The following GJC1 variants were observed in gnomAD, a reference collection of about 807,000 sequenced individuals.
The protein encoded by GJC1 is gap junction gamma-1 protein.
Under a neutral mutation model 29.3 loss-of-function variants are expected in GJC1, and 5 were observed. The ratio of observed to expected loss-of-function variants is 0.17; its 90% CI spans 0.09 to 0.36. GJC1 has a LOEUF of 0.36. GJC1 is among the 10% of genes least tolerant of loss of function. The pLI is 1.00. For synonymous variants in GJC1, 177 were observed against 183.3 expected (o/e 0.97, Z 0.28); for missense variants, 310 against 496.2 (o/e 0.62, Z 3.56).
At chr17:44,810,735 C>T (rs570831384) in intron 1 of GJC1, among the ~76,000 whole-genome samples, 1 of 152,120 alleles carries the variant, frequency 6.6e-6, no homozygotes, top group African/African-American at 2.4e-5. Flanking sequence ...GAGCGGGGAT[C>T]TGGATACCTG....
Position 44,800,508 on chromosome 17 carries a change from G to A in GJC1, c.*4119C>T, listed in dbSNP as rs1476738967. On this transcript the variant is annotated 3_prime_UTR_variant, in exon 3 of 3. Transcript: ENST00000592524. ...CTAACATACTTGCCTTTTACAGAAA[G>A]CTGGCTAGCCAAAAATGTATCATCA... 1 of 152,178 alleles carries A rather than the reference G, an allele frequency of 6.6e-6. No homozygotes were observed. Among genetic ancestry groups the A allele is most frequent in the African/African-American group, 2.4e-5 (1 of 41,442 alleles). The allele number at this position is 152,178 out of a possible 1,614,324, so 9.4% of individuals were successfully genotyped here.
At chr17:44,827,623 T>C (rs891323248) in intron 1 of GJC1, among the ~76,000 whole-genome samples, 3 of 151,098 alleles carry the variant, frequency 2.0e-5, no homozygotes, top group South Asian at 2.1e-4. Context: ...CTGGGCATCA[T>C]AGCAATGTCT....
downstream of GJC1, chr17:44,794,220 C>T (rs1470833302): frequency 1.3e-5 from 2 of 152,288 alleles, no homozygotes; most frequent in African/African-American, 2.4e-5. Flanking sequence ...GCCCCCTCCC[C>T]AGAGCAGACC....
intron 1 of GJC1, among the ~76,000 whole-genome samples, chr17:44,814,469 G>A (rs1444166776): frequency 1.3e-5 from 2 of 151,930 alleles, no homozygotes; most frequent in Non-Finnish European, 2.9e-5. Flanking sequence ...TTTCTTGAAT[G>A]GCTTCTTAAA....
At chr17:44,819,345 C>T (rs111641596) in intron 1 of GJC1, among the ~76,000 whole-genome samples, 10,817 of 152,162 alleles carry the variant, frequency 0.071, 438 homozygotes, top group African/African-American at 0.084. Flanking sequence ...GGTTTATCCA[C>T]GTTATACCAT....
chr17:44,825,023 A>C (rs2050157387), intron 1 of GJC1, among the ~76,000 whole-genome samples: 1 of 151,218 alleles, frequency 6.6e-6, no homozygotes, highest in South Asian at 2.1e-4. Context: ...AGCCTGGGCA[A>C]CAAAACAAGA....
At chr17:44,827,863 C>CA (rs11307466) in intron 1 of GJC1, among the ~76,000 whole-genome samples, 5 of 148,930 alleles carry the variant, frequency 3.4e-5, no homozygotes, top group African/African-American at 7.4e-5. Flanking sequence ...GACTCCATCT[C>CA]AAAAAAAAAA....
chr17:44,813,677 G>C (rs2050010474), intron 1 of GJC1, among the ~76,000 whole-genome samples: 1 of 151,694 alleles, frequency 6.6e-6, no homozygotes, highest in African/African-American at 2.4e-5. Context: ...ATTTTTAGGA[G>C]AGACAGCGTT....
At chr17:44,798,039 C>T (rs2049795136), downstream of GJC1, among the ~76,000 whole-genome samples, 1 of 152,158 alleles carries the variant, frequency 6.6e-6, no homozygotes, top group African/African-American at 2.4e-5. Flanking sequence ...AGAAGGCACT[C>T]CAGGAAAGGC....
intron 1 of GJC1, among the ~76,000 whole-genome samples, chr17:44,811,276 T>C (rs1011042023): frequency 6.6e-6 from 1 of 151,956 alleles, no homozygotes; most frequent in Admixed American, 6.6e-5. Flanking sequence ...AGACAGGGTT[T>C]CACCATGTTG....
chr17:44,821,520 G>A (rs111248170), intron 1 of GJC1, among the ~76,000 whole-genome samples: 264 of 151,550 alleles, frequency 1.7e-3, no homozygotes, highest in African/African-American at 6.1e-3. Flanking sequence ...CAATATTGGC[G>A]AAATCCTGTC....
downstream of GJC1, chr17:44,795,013 C>T (rs559105326): frequency 3.9e-5 from 6 of 152,286 alleles, no homozygotes; most frequent in Middle Eastern, 3.4e-3. Flanking sequence ...AGTCAATTGA[C>T]AAAGAATGCT....
intron 1 of GJC1, among the ~76,000 whole-genome samples, chr17:44,812,097 G>A (rs1414182076): frequency 6.6e-6 from 1 of 151,928 alleles, no homozygotes; most frequent in Non-Finnish European, 1.5e-5. Context: ...GATGGATCAC[G>A]AGGTCAGGAG....
At chr17:44,807,136 A>G (rs2049921931) in intron 2 of GJC1, among the ~76,000 whole-genome samples, 1 of 152,202 alleles carries the variant, frequency 6.6e-6, no homozygotes, top group Non-Finnish European at 1.5e-5. Context: ...GCTAAACTGA[A>G]CTGTGAGGAC....
In GJC1 at chr17:44,798,598, C is replaced by T. The variant is rs1228203714; in HGVS notation, c.*6029G>A. On this transcript the variant is annotated 3_prime_UTR_variant, in exon 3 of 3. Coordinates refer to ENST00000592524, the MANE Select transcript of GJC1 (RefSeq NM_005497.4). The stretch of plus-strand genomic sequence containing the variant: ...ATCTTTGGCACTAGAACAGGTGATT[C>T]CTTAGCTGTTCATGCAATATCCAAA... 6.6e-6 allele frequency: 1 copy of T among 152,156 alleles called. No homozygotes were observed. Among genetic ancestry groups the T allele is most frequent in the Non-Finnish European group, 1.5e-5 (1 of 68,042 alleles). The allele number at this position is 152,156 out of a possible 1,614,324, so 9.4% of individuals were successfully genotyped here. A position where few individuals can be genotyped will look rare whatever the true frequency, so the allele number is the denominator to read the frequency against.
chr17:44,826,169 G>A (rs2050173751), intron 1 of GJC1, among the ~76,000 whole-genome samples: 1 of 152,096 alleles, frequency 6.6e-6, no homozygotes, highest in African/African-American at 2.4e-5. Context: ...TGATCCACCC[G>A]CCTTGGCCTC....
chr17:44,800,212 G>A lies in GJC1; in HGVS notation c.*4415C>T, dbSNP rs1003089784. The A allele has an allele frequency of 1.3e-5, 2 of 152,078 alleles. No homozygotes were observed. Among genetic ancestry groups the A allele is most frequent in the South Asian group, 2.1e-4 (1 of 4,824 alleles). The allele number at this position is 152,078 out of a possible 1,614,324, so 9.4% of individuals were successfully genotyped here. A position where few individuals can be genotyped will look rare whatever the true frequency, so the allele number is the denominator to read the frequency against. ...TGCAACCTCTACCTCCTGGGATCAA[G>A]TGATTCTCATCTCAGCCTCCTGAGT... On this transcript the variant is annotated 3_prime_UTR_variant, in exon 3 of 3. Transcript: ENST00000592524.
upstream of GJC1, among the ~76,000 whole-genome samples, chr17:44,830,404 C>G (rs1597768913): frequency 6.6e-6 from 1 of 151,844 alleles, no homozygotes. The surrounding 1 kb of genome is among the most constrained non-coding windows in gnomAD (Gnocchi z 4.3). Flanking sequence ...GCGCGGGAAG[C>G]GACGCGAGCG....
chr17:44,819,763 CG>C (rs1345611286), intron 1 of GJC1, among the ~76,000 whole-genome samples: 30 of 152,132 alleles, frequency 2.0e-4, no homozygotes, highest in African/African-American at 6.8e-4. Context: ...GTACATACCA[CG>C]TTTTTTTTAT....
Sources: gnomAD v4.1 joint callset for allele counts (sites outside exome capture counted in the v4.1 genomes callset) on GRCh38, gnomAD v4.1.1 for gene constraint, Gnocchi (gnomAD v3.1) non-coding constraint, MANE v1.5 for transcripts, NCBI Gene and HGNC (gene_info 2026-07-23, HGNC 2026-07-21) for gene names.